Variants in OR52H1 observed in about 807,000 individuals in gnomAD.
OR52H1 encodes olfactory receptor 52H1.
For missense variants in OR52H1, 383 were observed against 396.4 expected, an observed-to-expected ratio of 0.97 and a Z score of 0.29; for synonymous variants, 148 against 138.6, an observed-to-expected ratio of 1.07 and a Z score of -0.48.
chr11:5,544,990 C>T lies in OR52H1; in HGVS notation c.516G>A (p.Arg172=), dbSNP rs1300169330. The change falls in exon 2 of 2, where the codon AGG becomes AGA. Residue 172 remains arginine (R), a synonymous_variant. Coordinates refer to ENST00000322653, the MANE Select transcript of OR52H1 (RefSeq NM_001005289.5). ...VFLLTCLPFC[R]TRIIPHTYCE... ...AGTATGTGTGGGGTATGATGCGTGT[C>T]CTGCAGAAAGGCAGGCATGTCAGCA... is the stretch of plus-strand genomic sequence containing the variant. The T allele has an allele frequency of 6.2e-7, 1 of 1,614,110 alleles. No individual in the cohort carries two copies.
At chr11:5,545,777 G>A (rs2078059680) in intron 1 of OR52H1, among the ~76,000 whole-genome samples, 1 of 152,244 alleles carries the variant, frequency 6.6e-6, no homozygotes, top group African/African-American at 2.4e-5. Flanking sequence ...TCTTTCTTCT[G>A]ACCTCCCCCA....
chr11:5,548,229 C>T (rs564419482), intron 1 of OR52H1, among the ~76,000 whole-genome samples: 9 of 151,646 alleles, frequency 5.9e-5, no homozygotes, highest in East Asian at 3.9e-4. Context: ...TCATACTTAA[C>T]GCAGCTGTGT....
Position 5,544,752 on chromosome 11 carries a change from T to A in OR52H1, c.754A>T (p.Met252Leu), listed in dbSNP as rs753147468. 6.2e-7 allele frequency: 1 copy of A among 1,613,806 alleles called. No individual in the cohort carries two copies. The highest frequency in any genetic ancestry group is 1.3e-5 in the African/African-American group (1 of 74,796). The change falls in exon 2 of 2, where the codon ATG becomes TTG. Residue 252 changes from methionine (M) to leucine (L), a missense_variant. Transcript: ENST00000322653. ...TCGSHVCVIL[M>L]FYTPAFFSIL... ...GAGAAAAAGGCAGGTGTATAAAACA[T>A]GAGGATGACACAGACATGAGAACCA...
chr11:5,546,710 G>T (rs902514219), intron 1 of OR52H1, among the ~76,000 whole-genome samples: 4 of 152,074 alleles, frequency 2.6e-5, no homozygotes, highest in Admixed American at 1.3e-4. Flanking sequence ...GTATTTCCAT[G>T]AACTCAAATA....
intron 1 of OR52H1, among the ~76,000 whole-genome samples, chr11:5,546,776 G>A (rs553022000): frequency 6.9e-5 from 2 of 29,038 alleles, no homozygotes; most frequent in South Asian, 4.4e-3. Context: ...CGGGTGCACA[G>A]ACGGTTAACT....
intron 1 of OR52H1, among the ~76,000 whole-genome samples, chr11:5,547,293 C>G (rs1846868064): frequency 6.6e-6 from 1 of 152,120 alleles, no homozygotes; most frequent in Non-Finnish European, 1.5e-5. Flanking sequence ...TTTAAACAAA[C>G]CAGGTATTGA....
Position 5,545,554 on chromosome 11 carries a change from T to A in OR52H1, c.-30-19A>T. ...TCAGCCCCTAAAGACAGAGGGTGATTAAGGATAGAGAAACTTGAGTAACTC... is the reference window on the plus strand; with the variant it reads ...TCAGCCCCTAAAGACAGAGGGTGATAAAGGATAGAGAAACTTGAGTAACTC... On this transcript the variant is annotated intron_variant, in intron 1 of 1. Coordinates refer to ENST00000322653, the MANE Select transcript of OR52H1 (RefSeq NM_001005289.5). 1 of 1,582,294 alleles carries A rather than the reference T, an allele frequency of 6.3e-7. No homozygotes were observed. The highest frequency in any genetic ancestry group is 8.6e-7 in the Non-Finnish European group (1 of 1,162,632).
rs1425914007 is a variant in OR52H1, at chr11:5,544,961, T to A, written c.545A>T (p.Glu182Val). 5 of 1,614,118 alleles carry A rather than the reference T, an allele frequency of 3.1e-6. No homozygotes were observed. The highest frequency in any genetic ancestry group is 4.2e-6 in the Non-Finnish European group (5 of 1,180,030). ...RTRIIPHTYC[E>V]HIGVAQLACA... ...GGCGAGCTGGGCAACACCTATATGC[T>A]CACAGTATGTGTGGGGTATGATGCG... The change falls in exon 2 of 2, where the codon GAG (glutamate) becomes GTG (valine). Residue 182 changes from glutamate (E) to valine (V), a missense_variant. Transcript: ENST00000322653.
chr11:5,546,480 G>A (rs1846858491), intron 1 of OR52H1, among the ~76,000 whole-genome samples: 1 of 150,572 alleles, frequency 6.6e-6, no homozygotes, highest in African/African-American at 2.4e-5. Context: ...CAAGCCCCCT[G>A]TCCTCCCATC....
intron 1 of OR52H1, among the ~76,000 whole-genome samples, chr11:5,545,993 T>A (rs989904104): frequency 6.6e-6 from 1 of 152,158 alleles, no homozygotes; most frequent in African/African-American, 2.4e-5. Flanking sequence ...AACTGTTTGC[T>A]TCTCTTAAAG....
chr11:5,545,612 C>T, intron 1 of OR52H1, 77 bp from the exon 2 acceptor site: 1 of 1,297,870 alleles, frequency 7.7e-7, no homozygotes, highest in Non-Finnish European at 1.1e-6. Flanking sequence ...TTATTGCCTC[C>T]TGAAGATAAA....
rs759516220 is a variant in OR52H1 at position 5,544,851 on chromosome 11, A to T, written c.655T>A (p.Ser219Thr). The change falls in exon 2 of 2, where the codon TCC (serine) becomes ACC (threonine). Residue 219 changes from serine (S) to threonine (T), a missense_variant. Transcript: ENST00000322653. ...VISDVILIAVSYAHILCAVFG... is the reference protein window; with the variant it reads ...VISDVILIAVTYAHILCAVFG... ...ACAGCACAGAGGATGTGTGCGTAGG[A>T]AACAGCAATGAGAATCACATCTGAG... The T allele has an allele frequency of 6.2e-6, 10 of 1,613,952 alleles. No individual in the cohort carries two copies. Among genetic ancestry groups the T allele is most frequent in the Non-Finnish European group, 7.6e-6 (9 of 1,179,960 alleles).
Position 5,545,168 on chromosome 11 carries a change from T to C in OR52H1, c.338A>G (p.Asp113Gly). The C allele has an allele frequency of 6.2e-7, 1 of 1,614,160 alleles. No homozygotes were observed. The highest frequency in any genetic ancestry group is 8.5e-7 in the Non-Finnish European group (1 of 1,180,038). Residue 113 changes from aspartate (D) to glycine (G), a missense_variant, in exon 2 of 2, where the codon GAT becomes GGT. Coordinates refer to ENST00000322653, the MANE Select transcript of OR52H1 (RefSeq NM_001005289.5). ...TGCCATGGCCATCAGAATGGCTGAA[T>C]CCAGGACAAAGTTATAGTGAAGGAA... Reference protein sequence around the residue: ...MFFLHYNFVLDSAILMAMAFD... With the variant: ...MFFLHYNFVLGSAILMAMAFD...
chr11:5,547,119 C>G (rs1202118065), intron 1 of OR52H1, among the ~76,000 whole-genome samples: 1 of 152,062 alleles, frequency 6.6e-6, no homozygotes, highest in African/African-American at 2.4e-5. Context: ...CCACCCCCAG[C>G]TAATTTTTGT....
At chr11:5,545,588 T>G in intron 1 of OR52H1, 53 bp from the exon 2 acceptor site, 2 of 1,478,210 alleles carry the variant, frequency 1.4e-6, no homozygotes. Context: ...TCTCAAACTT[T>G]CAACTAATTA....
At position 5,544,916 on chromosome 11, in the gene OR52H1, T is replaced by G. The variant is rs754410738; in HGVS notation, c.590A>C (p.Asn197Thr). 6 of 1,613,808 alleles carry G rather than the reference T, an allele frequency of 3.7e-6. No individual in the cohort carries two copies. Among genetic ancestry groups the G allele is most frequent in the South Asian group, 1.1e-5 (1 of 91,066 alleles). Reference protein sequence around the residue: ...AQLACADISINFWYGFCVPIM... With the variant: ...AQLACADISITFWYGFCVPIM... The stretch of plus-strand genomic sequence containing the variant: ...GGGAACACAAAAGCCATACCAGAAG[T>G]TGATGGAGATATCAGCACAGGCGAG... The change falls in exon 2 of 2, where the codon AAC becomes ACC. Residue 197 changes from asparagine to threonine, a missense_variant. By Grantham distance (65) the Asn-to-Thr change is moderately conservative (BLOSUM62 0). Coordinates refer to ENST00000322653, the MANE Select transcript of OR52H1 (RefSeq NM_001005289.5).
At chr11:5,545,805 T>C (rs142516135) in intron 1 of OR52H1, among the ~76,000 whole-genome samples, 1 of 152,218 alleles carries the variant, frequency 6.6e-6, no homozygotes, top group African/African-American at 2.4e-5. Flanking sequence ...GCACAGCTTC[T>C]ACAGGAAGCC....
At chr11:5,547,562 T>A (rs1366951969) in intron 1 of OR52H1, among the ~76,000 whole-genome samples, 1 of 152,142 alleles carries the variant, frequency 6.6e-6, no homozygotes, top group Non-Finnish European at 1.5e-5. Context: ...TTAAACTACA[T>A]GATATTTGGG....
rs1564845565 is a variant in OR52H1, at chr11:5,545,400, T to C, written c.106A>G (p.Ile36Val). 1.2e-6 allele frequency: 2 copies of C among 1,614,120 alleles called. No homozygotes were observed. The highest frequency in any genetic ancestry group is 1.7e-6 in the Non-Finnish European group (2 of 1,180,012). ...TTTCCCACAACAGCTACAATGTAGA[T>C]GATACAGAAGGGAATTCCAATCCAC... is the stretch of plus-strand genomic sequence containing the variant. ...HVWIGIPFCI[I>V]YIVAVVGNCI... Residue 36 changes from isoleucine to valine, a missense_variant, in exon 2 of 2, where the codon ATC becomes GTC. Coordinates refer to ENST00000322653, the MANE Select transcript of OR52H1 (RefSeq NM_001005289.5).
Sources: allele counts gnomAD v4.1 joint callset (sites outside exome capture counted in the v4.1 genomes callset), GRCh38; gene constraint gnomAD v4.1.1; transcripts MANE v1.5; gene names NCBI Gene and HGNC (gene_info 2026-07-23, HGNC 2026-07-21).